Variants in PLXNA2 observed in about 807,000 individuals in gnomAD.
PLXNA2 encodes the protein plexin-A2.
A neutral mutation model predicts 193.5 loss-of-function variants in PLXNA2; 91 were observed. The ratio of observed to expected loss-of-function variants is 0.47; its 90% confidence interval spans 0.40 to 0.56. The LOEUF (loss-of-function observed/expected upper bound fraction) is 0.56. PLXNA2 is among the 20% of genes least tolerant of loss of function. PLXNA2 has a pLI of 0.00. For synonymous variants in PLXNA2, 997 were observed against 1,027.3 expected, an observed-to-expected ratio of 0.97 and a Z score of 0.56; for missense variants, 1,995 against 2,503.2, an observed-to-expected ratio of 0.80 and a Z score of 4.33.
At chr1:208,043,025 C>T in intron 21 of PLXNA2, 36 bp downstream of exon 21, 1 of 1,609,852 alleles carries the variant, frequency 6.2e-7, no homozygotes, top group Non-Finnish European at 8.5e-7. Flanking sequence ...GGCCTGCATC[C>T]CTGCTGGGTG....
Position 208,028,744 on chromosome 1 carries a change from G to A in PLXNA2, c.5438+86C>T, listed in dbSNP as rs532358008. The A allele has an allele frequency of 6.8e-5, 85 of 1,242,260 alleles. No homozygotes were observed. In the African/African-American group the frequency reaches 7.8e-4, roughly 11 times the overall value. The allele number at this position is 1,242,260 out of a possible 1,614,324, so 77.0% of individuals were successfully genotyped here. A position where few individuals can be genotyped will look rare whatever the true frequency, so the allele number is the denominator to read the frequency against. Reference sequence around the variant, plus strand: ...TCCTGAAGAGATGACAGACACCGTCGTCTGAGTCCTTAGTCAGTGATGACT... The same window carrying A: ...TCCTGAAGAGATGACAGACACCGTCATCTGAGTCCTTAGTCAGTGATGACT... On this transcript the variant is annotated intron_variant, in intron 30 of 31. Coordinates refer to ENST00000367033, the MANE Select transcript of PLXNA2 (RefSeq NM_025179.4). The surrounding 1 kb of genome is among the most constrained non-coding windows in gnomAD (Gnocchi z 4.2).
chr1:208,147,928 TG>T (rs1668647828), intron 3 of PLXNA2, among the ~76,000 whole-genome samples: 1 of 152,148 alleles, frequency 6.6e-6, no homozygotes, highest in South Asian at 2.1e-4. Context: ...GGGCCTTACC[TG>T]GGGGATAAAA....
At chr1:208,173,097 G>A (rs1373390865) in intron 3 of PLXNA2, among the ~76,000 whole-genome samples, 3 of 152,184 alleles carry the variant, frequency 2.0e-5, no homozygotes, top group African/African-American at 7.2e-5. Context: ...ACTAACAAGA[G>A]CAGGGCTCTC....
intron 12 of PLXNA2, among the ~76,000 whole-genome samples, chr1:208,061,895 G>T (rs1228597755): frequency 2.0e-5 from 3 of 152,160 alleles, no homozygotes; most frequent in Non-Finnish European, 2.9e-5. Context: ...TTTCGTAACT[G>T]GAAGGGATCT....
At chr1:208,124,155 G>T (rs1667890009) in intron 4 of PLXNA2, among the ~76,000 whole-genome samples, 1 of 152,084 alleles carries the variant, frequency 6.6e-6, no homozygotes, top group Non-Finnish European at 1.5e-5. Context: ...CTTACAAGTG[G>T]GAGCTAAATG....
Position 208,024,916 on chromosome 1 carries a change from C to T in PLXNA2, c.*2327G>A, listed in dbSNP as rs890615704. 6.6e-6 allele frequency: 1 copy of T among 152,340 alleles called. No individual in the cohort carries two copies. The highest frequency in any genetic ancestry group is 2.4e-5 in the African/African-American group (1 of 41,438). The allele number at this position is 152,340 out of a possible 1,614,324, so 9.4% of individuals were successfully genotyped here. A position where few individuals can be genotyped will look rare whatever the true frequency, so the allele number is the denominator to read the frequency against. On this transcript the variant is annotated 3_prime_UTR_variant, in exon 32 of 32. Transcript: ENST00000367033. ...GGTCTCCTGGTCACACTCTTCTTAC[C>T]TATATCTCCTTTCCTTTTATCTCCA...
chr1:208,217,997 A>C lies in PLXNA2; in HGVS notation c.-75T>G. The C allele has an allele frequency of 6.4e-7, 1 of 1,562,602 alleles. No individual in the cohort carries two copies. The highest frequency in any genetic ancestry group is 1.1e-5 in the South Asian group (1 of 87,590). On this transcript the variant is annotated 5_prime_UTR_variant, in exon 2 of 32. An upstream start codon of the reference 5' UTR is lost. Transcript: ENST00000367033. The surrounding 1 kb of genome is among the most constrained non-coding windows in gnomAD (Gnocchi z 4.7). ...TCCACCTTCCCCGGTTGGCCCTCAC[A>C]TGATTCTGCAAAACACAAGGCAGAG...
At chr1:208,216,475 GC>G (rs1671132052) in intron 2 of PLXNA2, among the ~76,000 whole-genome samples, 1 of 152,208 alleles carries the variant, frequency 6.6e-6, no homozygotes, top group South Asian at 2.1e-4. Flanking sequence ...GCTGAAGCCT[GC>G]AGCATTTACA....
rs1218375392 is a variant in PLXNA2, at chr1:208,025,928, A to C, written c.*1315T>G. On this transcript the variant is annotated 3_prime_UTR_variant, in exon 32 of 32. Coordinates refer to ENST00000367033, the MANE Select transcript of PLXNA2 (RefSeq NM_025179.4). ...ATGCCACAGTCATTTCTACTGAGGA[A>C]GTGCTGTAGGCCCAGATGGTCAGGA... 3 of 152,646 alleles carry C rather than the reference A, an allele frequency of 2.0e-5. No individual in the cohort carries two copies. The highest frequency in any genetic ancestry group is 4.4e-5 in the Non-Finnish European group (3 of 68,050). The allele number at this position is 152,646 out of a possible 1,614,324, so 9.5% of individuals were successfully genotyped here. A position where few individuals can be genotyped will look rare whatever the true frequency, so the allele number is the denominator to read the frequency against.
At chr1:208,051,952 T>A (rs1435717649) in intron 15 of PLXNA2, among the ~76,000 whole-genome samples, 1 of 152,154 alleles carries the variant, frequency 6.6e-6, no homozygotes, top group Non-Finnish European at 1.5e-5. Context: ...TACAGAGGAT[T>A]CCCTAAGCAT....
At chr1:208,162,033 T>G (rs1480366218) in intron 3 of PLXNA2, among the ~76,000 whole-genome samples, 1 of 152,224 alleles carries the variant, frequency 6.6e-6, no homozygotes, top group East Asian at 1.9e-4. Context: ...TCTCCCCTTC[T>G]TCGCCCTGGA....
At chr1:208,220,211 GAC>G (rs1369022433) in intron 1 of PLXNA2, among the ~76,000 whole-genome samples, 1 of 152,122 alleles carries the variant, frequency 6.6e-6, no homozygotes, top group Non-Finnish European at 1.5e-5. Flanking sequence ...ATCCTCCCAA[GAC>G]ACAGTTTGAA....
intron 3 of PLXNA2, among the ~76,000 whole-genome samples, chr1:208,206,950 G>A (rs564664496): frequency 1.6e-4 from 25 of 152,036 alleles, no homozygotes; most frequent in African/African-American, 5.1e-4. Context: ...TTTTAGTACC[G>A]ACAGGGTTTC....
chr1:208,224,335 C>T (rs969546452), intron 1 of PLXNA2, among the ~76,000 whole-genome samples: 10 of 118,388 alleles, frequency 8.4e-5, no homozygotes, highest in Non-Finnish European at 1.4e-4. Context: ...CATTGAGAAC[C>T]AAGAGAGAGG....
At chr1:208,179,835 A>C (rs1292260366) in intron 3 of PLXNA2, among the ~76,000 whole-genome samples, 1 of 152,194 alleles carries the variant, frequency 6.6e-6, no homozygotes, top group African/African-American at 2.4e-5. Flanking sequence ...AGAAAAGGTC[A>C]TCTGGTAGCA....
intron 3 of PLXNA2, among the ~76,000 whole-genome samples, chr1:208,147,217 C>T (rs529317913): frequency 6.6e-6 from 1 of 152,050 alleles, no homozygotes; most frequent in East Asian, 1.9e-4. Context: ...GAGACAGGGT[C>T]TCATTATGTT....
intron 4 of PLXNA2, among the ~76,000 whole-genome samples, chr1:208,136,849 A>C (rs1157409332): frequency 6.6e-6 from 1 of 152,176 alleles, no homozygotes; most frequent in Non-Finnish European, 1.5e-5. Context: ...GTTCCAAAGA[A>C]GTTCTAAGAC....
intron 26 of PLXNA2, 32 bp from the exon 27 acceptor site, chr1:208,034,624 G>A: frequency 7.6e-7 from 1 of 1,323,810 alleles, no homozygotes; most frequent in Non-Finnish European, 1.1e-6. Context: ...CAGTACAAAA[G>A]GTGAATGTAG....
intron 9 of PLXNA2, among the ~76,000 whole-genome samples, chr1:208,088,864 G>GA (rs547513379): frequency 7.9e-4 from 120 of 152,318 alleles, no homozygotes; most frequent in African/African-American, 2.9e-3. Flanking sequence ...TGTGACTGCA[G>GA]AATCAGTGGA....
Sources: gnomAD v4.1 joint callset for allele counts (sites outside exome capture counted in the v4.1 genomes callset) on GRCh38, gnomAD v4.1.1 for gene constraint, Gnocchi (gnomAD v3.1) non-coding constraint, MANE v1.5 for transcripts, NCBI Gene and HGNC (gene_info 2026-07-23, HGNC 2026-07-21) for gene names.